The following GRM3 variants were observed in gnomAD, a reference collection of about 807,000 sequenced individuals.
GRM3 encodes glutamate metabotropic receptor 3.
A neutral mutation model predicts 70.5 loss-of-function variants in GRM3; 26 were observed. The observed-to-expected ratio is 0.37, with a 90% confidence interval of 0.27 to 0.51. The LOEUF is 0.51. Among genes scored for constraint, GRM3 ranks in the 20% least tolerant of loss-of-function variants. The pLI, the probability that GRM3 is intolerant of heterozygous loss-of-function variation, is 0.93. For missense variants in GRM3, 859 were observed against 1,123.8 expected (o/e 0.76, Z 3.37); for synonymous variants, 443 against 434.9 (o/e 1.02, Z -0.23).
chr7:86,762,350 C>T (rs1304847255), intron 1 of GRM3, among the ~76,000 whole-genome samples: 1 of 152,208 alleles, frequency 6.6e-6, no homozygotes, highest in South Asian at 2.1e-4. Context: ...AACAAACAGA[C>T]AAAACATACC....
chr7:86,747,350 A>G (rs1303041731), intron 1 of GRM3, among the ~76,000 whole-genome samples: 1 of 152,140 alleles, frequency 6.6e-6, no homozygotes, highest in Non-Finnish European at 1.5e-5. Context: ...TTTCAAAGCC[A>G]TTATTTTCAG....
chr7:86,769,933 C>A (rs759813940), intron 2 of GRM3, among the ~76,000 whole-genome samples: 5 of 152,120 alleles, frequency 3.3e-5, no homozygotes, highest in African/African-American at 9.7e-5. Context: ...CTGTATCCTG[C>A]ACTTCTCCAT....
intron 1 of GRM3, among the ~76,000 whole-genome samples, chr7:86,646,014 GGTGGGAGGGAGTTTA>G (rs1793461703): frequency 6.1e-5 from 4 of 66,044 alleles, no homozygotes; most frequent in African/African-American, 1.4e-4. Context: ...GGTGGGGGGG[GGTGGGAGGGAGTTTA>G]GGGGGTGGAG....
At chr7:86,855,846 AATGCCC>A (rs1331219440) in intron 5 of GRM3, among the ~76,000 whole-genome samples, 1 of 152,148 alleles carries the variant, frequency 6.6e-6, no homozygotes, top group Admixed American at 6.5e-5. Flanking sequence ...CATAACACGT[AATGCCC>A]AAGCTTCTTC....
intron 3 of GRM3, among the ~76,000 whole-genome samples, chr7:86,789,500 G>A (rs1797353687): frequency 6.6e-6 from 1 of 152,146 alleles, no homozygotes; most frequent in East Asian, 1.9e-4. Context: ...AGCTTGAGAT[G>A]CACTATGGAA....
chr7:86,663,904 A>C (rs977973448), intron 1 of GRM3, among the ~76,000 whole-genome samples: 38 of 152,028 alleles, frequency 2.5e-4, no homozygotes, highest in African/African-American at 8.7e-4. Flanking sequence ...GGGAAAAATG[A>C]CAACTAAAGG....
chr7:86,727,297 A>G (rs1199934462), intron 1 of GRM3, among the ~76,000 whole-genome samples: 1 of 152,150 alleles, frequency 6.6e-6, no homozygotes, highest in African/African-American at 2.4e-5. Flanking sequence ...CTCCCTAGCT[A>G]TAGCTCCTCT....
At chr7:86,711,949 A>G (rs1013746458) in intron 1 of GRM3, among the ~76,000 whole-genome samples, 3 of 152,086 alleles carry the variant, frequency 2.0e-5, no homozygotes, top group African/African-American at 7.2e-5. Context: ...GACATTCTAC[A>G]TGAATGTTGA....
At chr7:86,674,849 T>C (rs376010995) in intron 1 of GRM3, among the ~76,000 whole-genome samples, 1 of 152,118 alleles carries the variant, frequency 6.6e-6, no homozygotes, top group Non-Finnish European at 1.5e-5. Flanking sequence ...ACTTTCTGCA[T>C]AGAATTTCTT....
chr7:86,833,140 G>T, intron 3 of GRM3: 1 of 974,238 alleles, frequency 1.0e-6, no homozygotes, highest in Non-Finnish European at 1.2e-6. Flanking sequence ...ATTCCCTGGA[G>T]TTTCTTCACG....
intron 2 of GRM3, chr7:86,784,766 T>C (rs1282369328): frequency 6.6e-6 from 1 of 152,260 alleles, no homozygotes; most frequent in African/African-American, 2.4e-5. Flanking sequence ...ATTTGGGGTT[T>C]TAATTTTGCA....
At chr7:86,710,627 T>A (rs1213361939) in intron 1 of GRM3, among the ~76,000 whole-genome samples, 1 of 150,316 alleles carries the variant, frequency 6.7e-6, no homozygotes, top group Non-Finnish European at 1.5e-5. Flanking sequence ...GAGATTTCAT[T>A]AACTTGGGGA....
At chr7:86,711,968 C>G (rs1170055546) in intron 1 of GRM3, among the ~76,000 whole-genome samples, 1 of 152,010 alleles carries the variant, frequency 6.6e-6, no homozygotes, top group Non-Finnish European at 1.5e-5. Flanking sequence ...GAGAAAATAC[C>G]TGTAATTCAA....
intron 1 of GRM3, among the ~76,000 whole-genome samples, chr7:86,676,069 CA>C (rs143147581): frequency 6.7e-6 from 1 of 149,790 alleles, no homozygotes; most frequent in South Asian, 2.1e-4. Context: ...GGGGAACAAA[CA>C]AAAAAAAACC....
chr7:86,829,819 A>G (rs1023628699), intron 3 of GRM3, among the ~76,000 whole-genome samples: 2 of 152,214 alleles, frequency 1.3e-5, no homozygotes, highest in Admixed American at 1.3e-4. Flanking sequence ...AGTTGCCAGA[A>G]AGTGACACAG....
intron 1 of GRM3, among the ~76,000 whole-genome samples, chr7:86,665,168 T>A (rs1165435128): frequency 6.6e-6 from 1 of 151,906 alleles, no homozygotes; most frequent in African/African-American, 2.4e-5. Context: ...GTTACCAAAT[T>A]GAATATATTT....
At chr7:86,823,582 AT>A (rs35792615) in intron 3 of GRM3, among the ~76,000 whole-genome samples, 6,499 of 43,034 alleles carry the variant, frequency 0.15, 125 homozygotes, top group African/African-American at 0.16. Context: ...TGTGTGAGGT[AT>A]TTTTTTTTTT....
rs749348811 is a variant in GRM3, at chr7:86,839,724, T to C, written c.2210T>C (p.Met737Thr). 3 of 1,614,034 alleles carry C rather than the reference T, an allele frequency of 1.9e-6. No homozygotes were observed. Among genetic ancestry groups the C allele is most frequent in the South Asian group, 1.1e-5 (1 of 91,088 alleles). Residue 737 changes from methionine (M) to threonine (T), a missense_variant, in exon 4 of 6, where the codon ATG becomes ACG. By Grantham distance (81) the Met-to-Thr change is moderately conservative. Coordinates refer to ENST00000361669, the MANE Select transcript of GRM3 (RefSeq NM_000840.3). This position sits in a 1 kb window ranked among gnomAD's most constrained non-coding sequence, Gnocchi z 4.5. ...ILKCNVKDSS[M>T]LISLTYDVIL... ...AAATGCAATGTCAAAGATTCCAGCA[T>C]GTTGATCTCTCTTACCTACGATGTG...
In GRM3 at chr7:86,839,793, A is replaced by G. The variant is rs753013957; in HGVS notation, c.2279A>G (p.Lys760Arg). Residue 760 changes from lysine to arginine, a missense_variant, in exon 4 of 6, where the codon AAG (lysine) becomes AGG (arginine). Physicochemically the swap from Lys to Arg is conservative, Grantham distance 26. Coordinates refer to ENST00000361669, the MANE Select transcript of GRM3 (RefSeq NM_000840.3). This position sits in a 1 kb window ranked among gnomAD's most constrained non-coding sequence, Gnocchi z 4.5. ...LCTVYAFKTR[K>R]CPENFNEAKF... ...ACTGTGTACGCCTTCAAAACGCGGAAGTGCCCAGAAAATTTCAACGAAGCT... is the reference window on the plus strand; with the variant it reads ...ACTGTGTACGCCTTCAAAACGCGGAGGTGCCCAGAAAATTTCAACGAAGCT... The G allele has an allele frequency of 6.2e-7, 1 of 1,614,058 alleles. No individual in the cohort carries two copies.
Sources: gnomAD v4.1 joint callset for allele counts (sites outside exome capture counted in the v4.1 genomes callset) on GRCh38, gnomAD v4.1.1 for gene constraint, Gnocchi (gnomAD v3.1) non-coding constraint, MANE v1.5 for transcripts, NCBI Gene and HGNC (gene_info 2026-07-23, HGNC 2026-07-21) for gene names.